ZNF609: variants seen among roughly 807,000 people sequenced by gnomAD.
ZNF609 encodes zinc finger protein 609.
In ZNF609, 11 loss-of-function variants were observed where a neutral mutation model predicts 109.5. That is an observed-to-expected ratio of 0.10 (90% confidence interval 0.06 to 0.17). The LOEUF (loss-of-function observed/expected upper bound fraction) is 0.17, where lower values mean the gene tolerates loss of function less well. Ranked by LOEUF, ZNF609 falls within the 10% of genes least tolerant of loss-of-function variation. The pLI, the probability that ZNF609 is intolerant of heterozygous loss-of-function variation, is 1.00. For synonymous variants in ZNF609, 646 were observed against 662.0 expected (o/e 0.98, Z 0.37); for missense variants, 1,559 against 1,772.4 (o/e 0.88, Z 2.16).
intron 2 of ZNF609, among the ~76,000 whole-genome samples, chr15:64,571,518 C>A (rs926965466): frequency 6.6e-6 from 1 of 151,108 alleles, no homozygotes; most frequent in East Asian, 1.9e-4. Flanking sequence ...TTATTGTTAT[C>A]CTTTTGGGTG....
intron 2 of ZNF609, among the ~76,000 whole-genome samples, chr15:64,515,458 C>A (rs1341390846): frequency 6.6e-6 from 1 of 152,134 alleles, no homozygotes; most frequent in Admixed American, 6.5e-5. Context: ...CCCTGGGAAG[C>A]AGTTTGGCCA....
At chr15:64,646,939 CAAAAAAAAA>C (rs10628744) in intron 3 of ZNF609, among the ~76,000 whole-genome samples, 1 of 59,804 alleles carries the variant, frequency 1.7e-5, no homozygotes, top group South Asian at 6.5e-4. Context: ...GACTCTGTCT[CAAAAAAAAA>C]AAAAAAAAAA....
chr15:64,473,188 G>GTTTTTTTT (rs1893114721), intron 1 of ZNF609, among the ~76,000 whole-genome samples: 3 of 124,286 alleles, frequency 2.4e-5, no homozygotes, highest in African/African-American at 7.6e-5. Context: ...CTCATATTTG[G>GTTTTTTTT]TTCTTTTTTT....
In ZNF609 at chr15:64,681,373, C is replaced by A. The variant is rs553709335; in HGVS notation, c.4227C>A (p.Pro1409=). ...CAACTCCCTCACTCTACCCACCCCC[C>A]AGGAGGTGAGAATGGTAAGTCACTT... The part of the protein sequence containing the change: ...QGSTPSLYPP[P]RR Residue 1409 remains proline, a synonymous_variant, in exon 9 of 10, where the codon CCC becomes CCA. Transcript: ENST00000326648. 6.2e-7 allele frequency: 1 copy of A among 1,613,974 alleles called. No homozygotes were observed. The highest frequency in any genetic ancestry group is 1.1e-5 in the South Asian group (1 of 91,072).
chr15:64,495,539 T>G (rs1158291432), intron 1 of ZNF609, among the ~76,000 whole-genome samples: 3 of 151,368 alleles, frequency 2.0e-5, no homozygotes, highest in Admixed American at 6.6e-5. Flanking sequence ...GATTATAAGA[T>G]GTACTGTCAC....
chr15:64,630,085 A>G (rs1896040867), intron 3 of ZNF609, among the ~76,000 whole-genome samples: 1 of 139,378 alleles, frequency 7.2e-6, no homozygotes, highest in African/African-American at 2.8e-5. Context: ...CCATCCTCCT[A>G]ATTTTCTTTT....
chr15:64,498,997 G>A (rs1893520483), intron 1 of ZNF609, among the ~76,000 whole-genome samples: 1 of 152,204 alleles, frequency 6.6e-6, no homozygotes, highest in Admixed American at 6.5e-5. Flanking sequence ...GACAGTGGTA[G>A]TAGAAATAGG....
chr15:64,496,748 G>C (rs1359908966), intron 1 of ZNF609, among the ~76,000 whole-genome samples: 1 of 152,034 alleles, frequency 6.6e-6, no homozygotes, highest in Non-Finnish European at 1.5e-5. Context: ...GTAGTGTTGA[G>C]AATTCCAAAC....
intron 3 of ZNF609, among the ~76,000 whole-genome samples, chr15:64,658,271 C>T (rs894066152): frequency 1.3e-5 from 2 of 151,970 alleles, no homozygotes; most frequent in African/African-American, 4.8e-5. Context: ...GATCTCGGCT[C>T]ACCGCAACCT....
intron 2 of ZNF609, among the ~76,000 whole-genome samples, chr15:64,561,981 G>A (rs1894689229): frequency 6.6e-6 from 1 of 152,158 alleles, no homozygotes; most frequent in Non-Finnish European, 1.5e-5. Context: ...ACCTCCTAAT[G>A]CCTGTGAAAA....
chr15:64,660,037 G>T (rs1459417862), intron 3 of ZNF609, among the ~76,000 whole-genome samples: 2 of 151,988 alleles, frequency 1.3e-5, no homozygotes, highest in African/African-American at 4.8e-5. Context: ...GTTTCGCCAT[G>T]TTGGCCAGGC....
intron 6 of ZNF609, among the ~76,000 whole-genome samples, chr15:64,678,722 T>C (rs1896841236): frequency 2.0e-5 from 3 of 152,220 alleles, no homozygotes; most frequent in Admixed American, 1.3e-4. Flanking sequence ...GGATTGTCTC[T>C]GTAGTCAGTT....
intron 3 of ZNF609, chr15:64,631,706 ATT>A (rs766937011): frequency 0.015 from 2,461 of 165,256 alleles, no homozygotes; most frequent in Middle Eastern, 0.038. Context: ...CTAATTTTGT[ATT>A]TTTTTTTTTT....
At position 64,590,444 on chromosome 15, in the gene ZNF609, C is replaced by T. The variant is rs1435672330; in HGVS notation, c.748-32383C>T. ...TCAAGTGATTCTACTGCCTCAGCTTCCTGAGTAGCTGGGATTAAAGGTGTG... is the reference window on the plus strand; with the variant it reads ...TCAAGTGATTCTACTGCCTCAGCTTTCTGAGTAGCTGGGATTAAAGGTGTG... On this transcript the variant is annotated intron_variant, in intron 2 of 9. Transcript: ENST00000326648. 2.0e-5 allele frequency among the ~76,000 whole-genome samples: 3 copies of T among 151,988 alleles called. No individual in the cohort carries two copies. The East Asian group carries it at 5.8e-4, about 29-fold the overall frequency.
At position 64,622,828 on chromosome 15, in the gene ZNF609, T is replaced by C. The variant is rs1567031884; in HGVS notation, c.749T>C (p.Met250Thr). The change falls in exon 3 of 10, where the codon ATG becomes ACG. Residue 250 changes from methionine (M) to threonine (T), a missense_variant and splice_region_variant. Around this residue, in one of 4 missense-constraint regions of ZNF609, gnomAD observed 291 missense variants for 317.8 expected, o/e 0.92. Transcript: ENST00000326648. ...RLLKKVKSEK[M>T]ESPVSTPAVL... Reference sequence around the variant, plus strand: ...TACTACTTTTTCTTCCCTCCACAGATGGAGTCCCCTGTTTCCACACCAGCA... The same window carrying C: ...TACTACTTTTTCTTCCCTCCACAGACGGAGTCCCCTGTTTCCACACCAGCA... 9 of 1,614,102 alleles carry C rather than the reference T, an allele frequency of 5.6e-6. No homozygotes were observed. The highest frequency in any genetic ancestry group is 1.6e-4 in the Middle Eastern group (1 of 6,062).
At chr15:64,533,579 G>A (rs867771499) in intron 2 of ZNF609, among the ~76,000 whole-genome samples, 15 of 152,082 alleles carry the variant, frequency 9.9e-5, no homozygotes, top group African/African-American at 3.4e-4. Context: ...AAATATTGTT[G>A]TCTCCTCTCT....
intron 2 of ZNF609, among the ~76,000 whole-genome samples, chr15:64,562,884 T>A (rs993368186): frequency 7.7e-6 from 1 of 129,710 alleles, no homozygotes; most frequent in African/African-American, 3.6e-5. Flanking sequence ...TGTGTGTGTG[T>A]GTGTGTGTGT....
At chr15:64,490,585 G>GT (rs200817014) in intron 1 of ZNF609, among the ~76,000 whole-genome samples, 29 of 151,444 alleles carry the variant, frequency 1.9e-4, no homozygotes, top group Admixed American at 6.6e-4. Context: ...CCAGCTAGTA[G>GT]TTTTTTTTTA....
intron 2 of ZNF609, chr15:64,529,573 A>G: frequency 7.3e-7 from 1 of 1,367,800 alleles, no homozygotes. Context: ...GGGGTCATTG[A>G]TGGCAACAAT....
Sources: gnomAD v4.1 joint callset for allele counts (sites outside exome capture counted in the v4.1 genomes callset) on GRCh38, gnomAD v4.1.1 for gene constraint, gnomAD v4.1.1 regional missense constraint, MANE v1.5 for transcripts, NCBI Gene and HGNC (gene_info 2026-07-23, HGNC 2026-07-21) for gene names.